CLPTM1: variants seen among roughly 807,000 people sequenced by gnomAD.
CLPTM1 encodes putative lipid scramblase CLPTM1.
A neutral mutation model predicts 77.3 loss-of-function variants in CLPTM1; 21 were observed. The ratio of observed to expected loss-of-function variants is 0.27; its 90% CI spans 0.19 to 0.39. The LOEUF (loss-of-function observed/expected upper bound fraction) is 0.39. CLPTM1 is among the 10% of genes least tolerant of loss of function. The pLI is 1.00. For missense variants in CLPTM1, 642 were observed against 921.2 expected (o/e 0.70, Z 3.92); for synonymous variants, 373 against 381.0 (o/e 0.98, Z 0.24).
chr19:44,962,209 TGTATGATGGAATGTTTTCTAAACC>T, intron 2 of CLPTM1, 134 bp downstream of exon 2: 2 of 446,152 alleles, frequency 4.5e-6, no homozygotes, highest in Non-Finnish European at 7.9e-6. Context: ...TTTTTTTTTT[TGTATGATGGAATGTTTTCTAAACC>T]TTTTTTTTAC....
rs140564801 is a variant in CLPTM1, at chr19:44,991,251, A to G, written c.1433A>G (p.Tyr478Cys). 9.7e-4 allele frequency: 1,566 copies of G among 1,613,962 alleles called. 5 individuals carry two copies. The highest frequency in any genetic ancestry group is 1.7e-3 in the Middle Eastern group (10 of 6,042). ...GTGGCCCCACAGATGGCATTCCGGT[A>G]CCTGTCCTGGATCCTCTTCCCGCTC... ...TKVYDDMAFR[Y>C]LSWILFPLLG... is the part of the protein sequence containing the mutation. The change falls in exon 12 of 14, where the codon TAC (tyrosine) becomes TGC (cysteine). Residue 478 changes from tyrosine to cysteine, a missense_variant. Tyr to Cys is a radical substitution (Grantham distance 194). Coordinates refer to ENST00000337392, the MANE Select transcript of CLPTM1 (RefSeq NM_001294.4). This position sits in a 1 kb window ranked among gnomAD's most constrained non-coding sequence, Gnocchi z 5.4.
intron 5 of CLPTM1, 107 bp downstream of exon 5, chr19:44,977,567 A>G: frequency 1.1e-6 from 1 of 871,362 alleles, no homozygotes; most frequent in Non-Finnish European, 1.9e-6. Flanking sequence ...GGCAGGCAGG[A>G]AGCCTGTGCT....
chr19:44,961,819 C>T (rs141852443), intron 1 of CLPTM1, 144 bp from the exon 2 acceptor site: 190 of 511,914 alleles, frequency 3.7e-4, no homozygotes, highest in Non-Finnish European at 4.0e-4. Flanking sequence ...CCGCACCTTC[C>T]CAGGTGTTTT....
chr19:44,991,510 GCA>G lies in CLPTM1; in HGVS notation c.1555+142_1555+143del. 4 of 999,548 alleles carry G rather than the reference GCA, an allele frequency of 4.0e-6. No individual in the cohort carries two copies. The South Asian group carries it at 4.6e-5, about 12-fold the overall frequency. The allele number at this position is 999,548 out of a possible 1,614,324, so 61.9% of individuals were successfully genotyped here. ...AGCTGGGATATAGGGAGGCCCGAGGGCACACATGGCCCCATCTGGGGTCAGAG... is the reference window on the plus strand; with the variant it reads ...AGCTGGGATATAGGGAGGCCCGAGGGCACATGGCCCCATCTGGGGTCAGAG... On this transcript the variant is annotated intron_variant, in intron 12 of 13. Transcript: ENST00000337392. The surrounding 1 kb of genome is among the most constrained non-coding windows in gnomAD (Gnocchi z 5.4).
chr19:44,982,205 C>T (rs55762617), intron 5 of CLPTM1, among the ~76,000 whole-genome samples: 7 of 151,456 alleles, frequency 4.6e-5, no homozygotes, highest in Admixed American at 1.3e-4. Flanking sequence ...AAAAATTAGG[C>T]GGGCATGGTG....
intron 1 of CLPTM1, 83 bp from the exon 2 acceptor site, chr19:44,961,880 G>A: frequency 1.2e-6 from 1 of 838,628 alleles, no homozygotes; most frequent in Non-Finnish European, 1.8e-6. Context: ...TGCCCAGCCT[G>A]TGCCTGGCCT....
At chr19:44,987,788 G>A in intron 8 of CLPTM1, 3 of 560,520 alleles carry the variant, frequency 5.4e-6, no homozygotes, top group East Asian at 6.1e-5. Context: ...TTTGCCTCCT[G>A]GGCTGTCGTC....
intron 2 of CLPTM1, among the ~76,000 whole-genome samples, chr19:44,964,298 C>CTTTTTTTTTTTTTTTTTTTTTT (rs35539206): frequency 1.5e-5 from 1 of 68,120 alleles, no homozygotes; most frequent in African/African-American, 6.2e-5. Flanking sequence ...TCATTTTAAC[C>CTTTTTTTTTTTTTTTTTTTTTT]TTTTTTTTTT....
intron 1 of CLPTM1, among the ~76,000 whole-genome samples, chr19:44,957,951 T>C (rs1970488302): frequency 6.6e-6 from 1 of 152,000 alleles, no homozygotes; most frequent in South Asian, 2.1e-4. Context: ...GAGCTGAATT[T>C]ATAGGGGAAG....
chr19:44,975,341 C>T (rs1970789345), intron 4 of CLPTM1, among the ~76,000 whole-genome samples: 4 of 152,228 alleles, frequency 2.6e-5, no homozygotes, highest in African/African-American at 9.6e-5. Context: ...TCCATGTCCC[C>T]AGCACTGCCC....
chr19:44,979,701 G>A (rs1970863260), intron 5 of CLPTM1, among the ~76,000 whole-genome samples: 1 of 152,156 alleles, frequency 6.6e-6, no homozygotes, highest in African/African-American at 2.4e-5. Context: ...CTGAGTGAGT[G>A]TGTCTGAAGA....
chr19:44,969,944 T>C lies in CLPTM1; in HGVS notation c.186-3143T>C, dbSNP rs190540574. Among the ~76,000 whole-genome samples the C allele has an allele frequency of 4.9e-4, 73 of 147,754 alleles. 10 individuals carry two copies. Among genetic ancestry groups the C allele is most frequent in the African/African-American group, 1.7e-3 (66 of 37,990 alleles). On this transcript the variant is annotated intron_variant, in intron 2 of 13. Transcript: ENST00000337392. ...CTCAAGTGTTGGCTTCCCAAAGTGCTGGGATTATAGGTGTAAGCCACCACG... is the reference window on the plus strand; with the variant it reads ...CTCAAGTGTTGGCTTCCCAAAGTGCCGGGATTATAGGTGTAAGCCACCACG...
At chr19:44,979,903 G>A (rs1490288725) in intron 5 of CLPTM1, among the ~76,000 whole-genome samples, 1 of 152,148 alleles carries the variant, frequency 6.6e-6, no homozygotes, top group Non-Finnish European at 1.5e-5. Flanking sequence ...TGACCCAGGT[G>A]GGTGGCTCTT....
intron 2 of CLPTM1, among the ~76,000 whole-genome samples, chr19:44,964,677 C>G (rs1302284043): frequency 6.6e-6 from 1 of 152,184 alleles, no homozygotes; most frequent in Non-Finnish European, 1.5e-5. Flanking sequence ...GTGCCCCCAT[C>G]ACCATTATCC....
chr19:44,963,663 A>C (rs1395293863), intron 2 of CLPTM1, among the ~76,000 whole-genome samples: 1 of 151,322 alleles, frequency 6.6e-6, no homozygotes, highest in Non-Finnish European at 1.5e-5. Flanking sequence ...TCTGTTTCCC[A>C]GGCTGGAGTA....
Position 44,970,795 on chromosome 19 carries a change from T to C in CLPTM1, c.186-2292T>C, listed in dbSNP as rs1347931130. Among the ~76,000 whole-genome samples, 8 of 143,666 alleles carry C rather than the reference T, an allele frequency of 5.6e-5. 1 individual carries two copies. The highest frequency in any genetic ancestry group is 2.0e-4 in the East Asian group (1 of 5,068). The allele number at this position is 143,666 out of a possible 152,430, so 94.3% of individuals were successfully genotyped here. On this transcript the variant is annotated intron_variant, in intron 2 of 13. Transcript: ENST00000337392. ...CCTTTACTTATTCTTTTTTTTTTTT[T>C]CCCCTAGACCTGCAAATCCAAGATC...
intron 5 of CLPTM1, 135 bp from the exon 6 acceptor site, chr19:44,985,083 A>G: frequency 3.3e-6 from 2 of 613,170 alleles, no homozygotes; most frequent in South Asian, 3.8e-5. Flanking sequence ...TCCAGGTCAC[A>G]TTGATCTCAG....
intron 5 of CLPTM1, among the ~76,000 whole-genome samples, chr19:44,983,393 G>C (rs1970927446): frequency 1.3e-5 from 2 of 151,790 alleles, no homozygotes; most frequent in Non-Finnish European, 2.9e-5. Flanking sequence ...GACTGAGGTG[G>C]GCAGATCACG....
Position 44,992,227 on chromosome 19 carries a change from C to T in CLPTM1, c.1556-6C>T, listed in dbSNP as rs1971086739. 6 of 1,613,968 alleles carry T rather than the reference C, an allele frequency of 3.7e-6. No individual in the cohort carries two copies. Among genetic ancestry groups the T allele is most frequent in the Non-Finnish European group, 5.1e-6 (6 of 1,179,900 alleles). ...ATCCCTCTGCTCATGGGTGCTCTCA[C>T]TGCAGGCTTCATCACCATGACGCCC... On this transcript the variant is annotated splice_polypyrimidine_tract_variant and splice_region_variant and intron_variant, in intron 12 of 13. Coordinates refer to ENST00000337392, the MANE Select transcript of CLPTM1 (RefSeq NM_001294.4). This position sits in a 1 kb window ranked among gnomAD's most constrained non-coding sequence, Gnocchi z 7.7.
Sources: gnomAD v4.1 joint callset for allele counts (sites outside exome capture counted in the v4.1 genomes callset) on GRCh38, gnomAD v4.1.1 for gene constraint, Gnocchi (gnomAD v3.1) non-coding constraint, MANE v1.5 for transcripts, NCBI Gene and HGNC (gene_info 2026-07-23, HGNC 2026-07-21) for gene names.